The following SLC4A10 variants were observed in gnomAD, a reference collection of about 807,000 sequenced individuals.
SLC4A10 encodes the protein solute carrier family 4 member 10.
In SLC4A10, 42 loss-of-function variants were observed where a neutral mutation model predicts 137.7. The observed-to-expected ratio is 0.30, with a 90% confidence interval of 0.24 to 0.39. SLC4A10 has a LOEUF of 0.39. SLC4A10 is among the 10% of genes least tolerant of loss of function. The probability of loss-of-function intolerance (pLI) is 1.00; values close to 1 mark genes in which losing one functional copy is unlikely to be tolerated. For missense variants in SLC4A10, 925 were observed against 1,355.0 expected (o/e 0.68, Z 4.98); for synonymous variants, 474 against 464.1 (o/e 1.02, Z -0.27).
chr2:161,835,357 C>A (rs1163300758), intron 3 of SLC4A10, among the ~76,000 whole-genome samples: 1 of 152,042 alleles, frequency 6.6e-6, no homozygotes, highest in Admixed American at 6.6e-5. Context: ...GTCTTATGTC[C>A]AAATCATGCA....
At chr2:161,708,364 A>G (rs1333366019) in intron 1 of SLC4A10, among the ~76,000 whole-genome samples, 1 of 151,542 alleles carries the variant, frequency 6.6e-6, no homozygotes, top group Non-Finnish European at 1.5e-5. Context: ...CAACAGACAC[A>G]TTGGATACTT....
At position 161,839,832 on chromosome 2, in the gene SLC4A10, T is replaced by G; in HGVS notation, c.321T>G (p.Asp107Glu). Residue 107 changes from aspartate to glutamate, a missense_variant, in exon 4 of 27, where the codon GAT (aspartate) becomes GAG (glutamate). Around this residue, in one of 11 missense-constraint regions of SLC4A10, gnomAD observed 138 missense variants for 171.3 expected, o/e 0.81. Transcript: ENST00000446997. ...QRVQFILGTEDDDEEHIPHDL... is the reference protein window; with the variant it reads ...QRVQFILGTEEDDEEHIPHDL... ...TACAGTTTATTCTTGGAACCGAGGA[T>G]GATGACGAGGAACACATTCCTCATG... 6.2e-7 allele frequency: 1 copy of G among 1,613,882 alleles called. No individual in the cohort carries two copies. Among genetic ancestry groups the G allele is most frequent in the African/African-American group, 1.3e-5 (1 of 75,020 alleles).
chr2:161,873,446 G>T (rs2061259391), intron 7 of SLC4A10, among the ~76,000 whole-genome samples: 1 of 146,654 alleles, frequency 6.8e-6, no homozygotes. Context: ...TGGGAGGATT[G>T]CTTGAGCCTA....
At chr2:161,877,375 G>A (rs536224408) in intron 8 of SLC4A10, among the ~76,000 whole-genome samples, 41 of 152,112 alleles carry the variant, frequency 2.7e-4, no homozygotes, top group African/African-American at 9.9e-4. Flanking sequence ...CATTGAGAGA[G>A]AAAACTTAAC....
chr2:161,860,501 C>G (rs2060377031), intron 5 of SLC4A10, among the ~76,000 whole-genome samples: 1 of 152,126 alleles, frequency 6.6e-6, no homozygotes, highest in African/African-American at 2.4e-5. Flanking sequence ...TAATAACCTA[C>G]TTTACAACTT....
intron 3 of SLC4A10, among the ~76,000 whole-genome samples, chr2:161,814,556 A>G (rs2056870247): frequency 6.6e-6 from 1 of 151,860 alleles, no homozygotes; most frequent in African/African-American, 2.4e-5. Flanking sequence ...TTGAATAAAG[A>G]AAATATACTC....
intron 1 of SLC4A10, among the ~76,000 whole-genome samples, chr2:161,759,883 A>T (rs2050066171): frequency 6.6e-6 from 1 of 152,012 alleles, no homozygotes; most frequent in Non-Finnish European, 1.5e-5. Flanking sequence ...TAGCTTAGCT[A>T]GGCATATACT....
chr2:161,625,227 A>G (rs532581892), intron 1 of SLC4A10, among the ~76,000 whole-genome samples: 254 of 152,008 alleles, frequency 1.7e-3, no homozygotes, highest in Non-Finnish European at 3.0e-3. Context: ...CTGAACTGTC[A>G]TTTGGTAATA....
intron 1 of SLC4A10, among the ~76,000 whole-genome samples, chr2:161,642,448 A>G (rs562751577): frequency 3.4e-4 from 52 of 152,164 alleles, no homozygotes; most frequent in South Asian, 6.2e-4. Flanking sequence ...ATGTTTCAAT[A>G]ATTTATCAAT....
chr2:161,658,866 C>G (rs1210842943), intron 1 of SLC4A10, among the ~76,000 whole-genome samples: 1 of 152,120 alleles, frequency 6.6e-6, no homozygotes, highest in Non-Finnish European at 1.5e-5. Context: ...GCCAGGATTA[C>G]AGGCATGAGC....
At chr2:161,880,821 G>A (rs1165396447) in intron 9 of SLC4A10, among the ~76,000 whole-genome samples, 1 of 152,012 alleles carries the variant, frequency 6.6e-6, no homozygotes, top group African/African-American at 2.4e-5. Context: ...GAAGGTGTCT[G>A]GTGAACTATG....
At position 161,806,053 on chromosome 2, in the gene SLC4A10, C is replaced by T. The variant is rs182242548; in HGVS notation, c.277+1458C>T. On this transcript the variant is annotated intron_variant, in intron 3 of 26. Coordinates refer to ENST00000446997, the MANE Select transcript of SLC4A10 (RefSeq NM_001178015.2). ...GAGGTTCCTAAACCCCAATTCTTGA[C>T]TTCCGTACACCTGCAGGCTCAACAC... Among the ~76,000 whole-genome samples the T allele has an allele frequency of 3.1e-3, 470 of 152,296 alleles. 2 individuals carry two copies. Among genetic ancestry groups the T allele is most frequent in the African/African-American group, 0.011 (450 of 41,578 alleles).
chr2:161,884,827 C>T (rs538428496), intron 10 of SLC4A10, among the ~76,000 whole-genome samples: 1 of 152,282 alleles, frequency 6.6e-6, no homozygotes, highest in South Asian at 2.1e-4. Context: ...ATTTGTATTT[C>T]TCAAAGCCTC....
chr2:161,818,366 T>G (rs1210794975), intron 3 of SLC4A10, among the ~76,000 whole-genome samples: 1 of 152,200 alleles, frequency 6.6e-6, no homozygotes, highest in Non-Finnish European at 1.5e-5. Context: ...CTTATCAGCT[T>G]AAGGAGATTT....
chr2:161,843,976 T>C (rs1196815259), intron 4 of SLC4A10, among the ~76,000 whole-genome samples: 2 of 152,212 alleles, frequency 1.3e-5, no homozygotes, highest in Middle Eastern at 3.4e-3. Flanking sequence ...TGGTCACTTT[T>C]AAAAACCCTA....
chr2:161,908,414 C>T (rs1241336887), intron 15 of SLC4A10, among the ~76,000 whole-genome samples: 2 of 120,576 alleles, frequency 1.7e-5, no homozygotes, highest in Non-Finnish European at 3.2e-5. Flanking sequence ...GGAAGGGGAA[C>T]ATCACACACT....
intron 20 of SLC4A10, 102 bp downstream of exon 20, chr2:161,957,342 C>A: frequency 7.6e-7 from 1 of 1,311,734 alleles, no homozygotes; most frequent in Non-Finnish European, 1.0e-6. Flanking sequence ...TATTGTGTGG[C>A]ATGTGATGAA....
intron 1 of SLC4A10, among the ~76,000 whole-genome samples, chr2:161,730,996 T>C (rs1031348523): frequency 1.4e-4 from 21 of 152,212 alleles, no homozygotes; most frequent in Admixed American, 1.4e-3. Flanking sequence ...ATCATGAAGA[T>C]GTACATTTCT....
At chr2:161,757,493 C>G (rs977132168) in intron 1 of SLC4A10, among the ~76,000 whole-genome samples, 1 of 152,036 alleles carries the variant, frequency 6.6e-6, no homozygotes, top group Non-Finnish European at 1.5e-5. Flanking sequence ...GCATTATAAC[C>G]GTATTAGCAA....
Sources: allele counts gnomAD v4.1 joint callset (sites outside exome capture counted in the v4.1 genomes callset), GRCh38; gene constraint gnomAD v4.1.1; regional missense constraint gnomAD v4.1.1; transcripts MANE v1.5; gene names NCBI Gene and HGNC (gene_info 2026-07-23, HGNC 2026-07-21).